KIAA1217: variants seen among roughly 807,000 people sequenced by gnomAD.
KIAA1217 encodes the protein KIAA1217, also known as sickle tail protein homolog.
A neutral mutation model predicts 163.9 loss-of-function variants in KIAA1217; 88 were observed. That is an observed-to-expected ratio of 0.54 (90% CI 0.45 to 0.64). The LOEUF is 0.64. Among genes scored for constraint, KIAA1217 ranks in the 30% least tolerant of loss-of-function variants. The pLI, the probability that KIAA1217 is intolerant of heterozygous loss-of-function variation, is 0.00. For synonymous variants in KIAA1217, 903 were observed against 923.1 expected, an observed-to-expected ratio of 0.98 and a Z score of 0.39; for missense variants, 2,372 against 2,475.0, an observed-to-expected ratio of 0.96 and a Z score of 0.88.
intron 2 of KIAA1217, among the ~76,000 whole-genome samples, chr10:24,022,905 T>A (rs1847794669): frequency 6.7e-6 from 1 of 149,728 alleles, no homozygotes; most frequent in African/African-American, 2.5e-5. Flanking sequence ...AGTCAGGAAC[T>A]TAAGGATATA....
intron 2 of KIAA1217, among the ~76,000 whole-genome samples, chr10:24,372,721 A>G (rs938601037): frequency 6.6e-5 from 10 of 152,224 alleles, no homozygotes; most frequent in African/African-American, 1.2e-4. Context: ...ATTTGGCTCT[A>G]TTGTGTCCAA....
chr10:24,186,392 T>A (rs186766738), intron 2 of KIAA1217, among the ~76,000 whole-genome samples: 1 of 152,322 alleles, frequency 6.6e-6, no homozygotes, highest in African/African-American at 2.4e-5. Context: ...CCTTCCAGAG[T>A]TGACTTTTTT....
rs1294920992 is a variant in KIAA1217 at position 24,451,657 on chromosome 10, C to T, written c.846+13178C>T. On this transcript the variant is annotated intron_variant, in intron 5 of 20. Transcript: ENST00000376454. ...GGAGCAGAACCTTCCTTCTCCCCAA[C>T]AGGTCCTAGGGTTAGCTCCCGAAGA... Among the ~76,000 whole-genome samples the T allele has an allele frequency of 1.3e-5, 2 of 152,232 alleles. 1 individual carries two copies. Among genetic ancestry groups the T allele is most frequent in the Non-Finnish European group, 2.9e-5 (2 of 68,046 alleles).
intron 2 of KIAA1217, among the ~76,000 whole-genome samples, chr10:24,292,088 C>G (rs1325631118): frequency 6.6e-6 from 1 of 152,126 alleles, no homozygotes; most frequent in Non-Finnish European, 1.5e-5. Context: ...TCTGGCTTTT[C>G]TAATCAGGAA....
chr10:24,316,606 T>C (rs563830009), intron 2 of KIAA1217, among the ~76,000 whole-genome samples: 2 of 152,260 alleles, frequency 1.3e-5, no homozygotes, highest in East Asian at 3.9e-4. Context: ...GGTTGTAGAA[T>C]GTGTTTCATT....
intron 2 of KIAA1217, among the ~76,000 whole-genome samples, chr10:24,014,711 C>T (rs1394810425): frequency 6.6e-6 from 1 of 152,092 alleles, no homozygotes; most frequent in African/African-American, 2.4e-5. Flanking sequence ...AAGAAAGTCT[C>T]AAAACTTTGG....
At chr10:23,726,977 C>CTTT (rs1564369862) in intron 1 of KIAA1217, among the ~76,000 whole-genome samples, 5 of 127,248 alleles carry the variant, frequency 3.9e-5, no homozygotes, top group African/African-American at 1.1e-4. Context: ...TTGTATAGGC[C>CTTT]TCTTTTTTTT....
chr10:24,130,147 A>G (rs145146949), intron 2 of KIAA1217, among the ~76,000 whole-genome samples: 83 of 152,214 alleles, frequency 5.5e-4, no homozygotes, highest in African/African-American at 2.0e-3. Context: ...AAAACTTCCT[A>G]GATTGGGCTA....
At chr10:23,895,719 A>G (rs1442267837) in intron 1 of KIAA1217, among the ~76,000 whole-genome samples, 1 of 152,168 alleles carries the variant, frequency 6.6e-6, no homozygotes, top group East Asian at 1.9e-4. Flanking sequence ...ACTGTTCACA[A>G]TAGCAAAGAC....
chr10:23,866,669 C>T (rs1462447603), intron 1 of KIAA1217, among the ~76,000 whole-genome samples: 1 of 151,876 alleles, frequency 6.6e-6, no homozygotes, highest in African/African-American at 2.4e-5. Flanking sequence ...ATGCCTCTCC[C>T]TCTTGCCCAT....
intron 2 of KIAA1217, among the ~76,000 whole-genome samples, chr10:24,258,411 G>A (rs961847205): frequency 6.6e-6 from 1 of 152,086 alleles, no homozygotes; most frequent in Non-Finnish European, 1.5e-5. Context: ...GAGGAAGTGA[G>A]GGGTGACTGT....
At chr10:23,793,953 C>G (rs921512368) in intron 1 of KIAA1217, among the ~76,000 whole-genome samples, 10 of 152,152 alleles carry the variant, frequency 6.6e-5, no homozygotes, top group African/African-American at 2.2e-4. Flanking sequence ...GCATTTTGAC[C>G]ATTAATGTAA....
intron 2 of KIAA1217, among the ~76,000 whole-genome samples, chr10:24,306,452 T>G (rs1239512687): frequency 6.6e-6 from 1 of 152,246 alleles, no homozygotes; most frequent in Non-Finnish European, 1.5e-5. Flanking sequence ...TAGGGGTTCC[T>G]GAACAATATC....
intron 6 of KIAA1217, among the ~76,000 whole-genome samples, chr10:24,475,123 G>A (rs2063865335): frequency 6.6e-6 from 1 of 152,176 alleles, no homozygotes; most frequent in South Asian, 2.1e-4. Context: ...GGAGGCTGAG[G>A]CAGGAGAATC....
At chr10:24,102,194 G>T (rs2062443979) in intron 2 of KIAA1217, among the ~76,000 whole-genome samples, 1 of 152,128 alleles carries the variant, frequency 6.6e-6, no homozygotes, top group South Asian at 2.1e-4. Flanking sequence ...TTATAGCAAG[G>T]TTGTAGGATA....
chr10:24,472,791 C>T (rs780181722), intron 5 of KIAA1217, among the ~76,000 whole-genome samples: 42 of 152,268 alleles, frequency 2.8e-4, no homozygotes, highest in Middle Eastern at 6.8e-3. Context: ...GGATTTTGCA[C>T]ATCAATATCA....
chr10:24,468,704 A>G (rs1377468518), intron 5 of KIAA1217, among the ~76,000 whole-genome samples: 1 of 152,200 alleles, frequency 6.6e-6, no homozygotes, highest in East Asian at 1.9e-4. Context: ...AGCCGTCCTC[A>G]TTGGCTGAGG....
At chr10:24,187,248 T>C (rs1160771335) in intron 2 of KIAA1217, among the ~76,000 whole-genome samples, 1 of 152,086 alleles carries the variant, frequency 6.6e-6, no homozygotes, top group Non-Finnish European at 1.5e-5. Context: ...CTGCCTCCCT[T>C]TCTCTCATTC....
At chr10:24,495,019 C>A in intron 7 of KIAA1217, 128 bp from the exon 8 acceptor site, 1 of 749,616 alleles carries the variant, frequency 1.3e-6, no homozygotes, top group Admixed American at 2.9e-5. Flanking sequence ...GATGCTGATG[C>A]TAAAATACCT....
Sources: gnomAD v4.1 joint callset for allele counts (sites outside exome capture counted in the v4.1 genomes callset) on GRCh38, gnomAD v4.1.1 for gene constraint, MANE v1.5 for transcripts, NCBI Gene and HGNC (gene_info 2026-07-23, HGNC 2026-07-21) for gene names.